Variants in DPP10 observed in about 807,000 individuals in gnomAD.
DPP10 encodes the protein inactive dipeptidyl peptidase 10.
DPP10 carries 33 observed loss-of-function variants against 120.9 expected under a neutral mutation model. The ratio of observed to expected loss-of-function variants is 0.27; its 90% CI spans 0.21 to 0.37. DPP10 has a LOEUF of 0.37. DPP10 is among the 10% of genes least tolerant of loss of function. The probability of loss-of-function intolerance (pLI) is 1.00; values close to 1 mark genes in which losing one functional copy is unlikely to be tolerated. For synonymous variants in DPP10, 337 were observed against 326.1 expected (o/e 1.03, Z -0.36); for missense variants, 816 against 942.8 (o/e 0.87, Z 1.76).
At chr2:115,747,395 C>T (rs954439110) in intron 10 of DPP10, among the ~76,000 whole-genome samples, 3 of 152,062 alleles carry the variant, frequency 2.0e-5, no homozygotes, top group South Asian at 2.1e-4. Flanking sequence ...TGAATGGTTA[C>T]GTTACAAATG....
intron 19 of DPP10, among the ~76,000 whole-genome samples, chr2:115,806,210 C>T (rs1685949613): frequency 6.6e-6 from 1 of 152,032 alleles, no homozygotes; most frequent in African/African-American, 2.4e-5. Flanking sequence ...TTCCAATTTC[C>T]TTTTGCCTTG....
intron 1 of DPP10, among the ~76,000 whole-genome samples, chr2:114,946,329 CT>C (rs1006552033): frequency 9.9e-5 from 15 of 152,138 alleles, no homozygotes; most frequent in African/African-American, 3.6e-4. Flanking sequence ...TAACACTATT[CT>C]TTAAAAAGTT....
At chr2:114,867,323 T>C (rs2106551374) in intron 1 of DPP10, among the ~76,000 whole-genome samples, 1 of 152,316 alleles carries the variant, frequency 6.6e-6, no homozygotes, top group African/African-American at 2.4e-5. Context: ...TTACCCTTTC[T>C]GGAACCCTTT....
At chr2:115,631,537 G>A (rs2085871474) in intron 5 of DPP10, among the ~76,000 whole-genome samples, 1 of 152,102 alleles carries the variant, frequency 6.6e-6, no homozygotes, top group Admixed American at 6.6e-5. Flanking sequence ...GCTTTTTGAT[G>A]TGGACATTTT....
intron 1 of DPP10, among the ~76,000 whole-genome samples, chr2:114,832,660 C>T (rs1687245365): frequency 6.6e-6 from 1 of 152,002 alleles, no homozygotes; most frequent in Non-Finnish European, 1.5e-5. Flanking sequence ...AGTAAATGGG[C>T]AAATATTATT....
At chr2:114,990,726 A>C (rs574024391) in intron 1 of DPP10, among the ~76,000 whole-genome samples, 1 of 152,160 alleles carries the variant, frequency 6.6e-6, no homozygotes, top group African/African-American at 2.4e-5. Flanking sequence ...TGGTGATAGC[A>C]CAGACACCCT....
At chr2:114,755,860 T>A (rs1296790883) in intron 1 of DPP10, among the ~76,000 whole-genome samples, 1 of 152,120 alleles carries the variant, frequency 6.6e-6, no homozygotes, top group Non-Finnish European at 1.5e-5. Context: ...TATCTTTATT[T>A]TTCCTTTTAA....
At chr2:115,733,805 G>T (rs1474751223) in intron 8 of DPP10, among the ~76,000 whole-genome samples, 1 of 152,166 alleles carries the variant, frequency 6.6e-6, no homozygotes, top group East Asian at 1.9e-4. Flanking sequence ...AACCACATGT[G>T]CTGAAAACTC....
At chr2:114,739,077 C>T (rs1026613618) in intron 1 of DPP10, among the ~76,000 whole-genome samples, 1 of 152,150 alleles carries the variant, frequency 6.6e-6, no homozygotes, top group Non-Finnish European at 1.5e-5. Context: ...AGTTTGCTAT[C>T]AGGATTGAAA....
In DPP10 at chr2:115,201,527, C is replaced by T. The variant is rs79946625; in HGVS notation, c.61-107712C>T. On this transcript the variant is annotated intron_variant, in intron 1 of 25. Coordinates refer to ENST00000410059, the MANE Select transcript of DPP10 (RefSeq NM_020868.6). ...TTTGGTGATTCCTTTAGAGACAGGT[C>T]GGATTTTTCACATCACTTCGCAGTC... Among the ~76,000 whole-genome samples, 139 of 152,146 alleles carry T rather than the reference C, an allele frequency of 9.1e-4. 4 individuals are homozygous for T. The East Asian group carries it at 0.025, about 27-fold the overall frequency.
At chr2:115,408,533 C>T (rs957123179) in intron 3 of DPP10, among the ~76,000 whole-genome samples, 3 of 152,104 alleles carry the variant, frequency 2.0e-5, no homozygotes, top group African/African-American at 7.2e-5. Flanking sequence ...TACTTTCAGG[C>T]ATACGTGTAA....
chr2:115,474,884 G>A (rs770906651), intron 3 of DPP10, among the ~76,000 whole-genome samples: 3 of 152,156 alleles, frequency 2.0e-5, no homozygotes, highest in African/African-American at 4.8e-5. Flanking sequence ...CCCATAATAG[G>A]CTCAGAGGCC....
rs1295621400 is a variant in DPP10, at chr2:115,172,235, T to TC, written c.61-136999dup. 3.3e-5 allele frequency among the ~76,000 whole-genome samples: 5 copies of TC among 151,998 alleles called. No individual in the cohort carries two copies. The East Asian group carries it at 5.8e-4, about 18-fold the overall frequency. ...TGGGATTCTTGGTAAGAAAGGCTTCTCCCCCGGGCGTGGTGGTGGGTGCCT... is the reference window on the plus strand; with the variant it reads ...TGGGATTCTTGGTAAGAAAGGCTTCTCCCCCCGGGCGTGGTGGTGGGTGCCT... On this transcript the variant is annotated intron_variant, in intron 1 of 25. Transcript: ENST00000410059.
chr2:115,519,816 T>C (rs1306128301), intron 4 of DPP10, among the ~76,000 whole-genome samples: 1 of 152,196 alleles, frequency 6.6e-6, no homozygotes, highest in Non-Finnish European at 1.5e-5. Flanking sequence ...ACTGGCTTTC[T>C]AAAATCCTTC....
At chr2:115,438,834 A>T (rs78546591) in intron 3 of DPP10, among the ~76,000 whole-genome samples, 6 of 132,160 alleles carry the variant, frequency 4.5e-5, no homozygotes, top group African/African-American at 1.4e-4. Flanking sequence ...ATAGTGGCTA[A>T]GATGGTCATG....
chr2:115,183,493 A>C (rs932175711), intron 1 of DPP10, among the ~76,000 whole-genome samples: 1 of 152,158 alleles, frequency 6.6e-6, no homozygotes, highest in Non-Finnish European at 1.5e-5. Context: ...GAGGGCAGGG[A>C]CTGGACTTTC....
chr2:114,470,069 T>A (rs933870020), intron 1 of DPP10, among the ~76,000 whole-genome samples: 8 of 152,202 alleles, frequency 5.3e-5, no homozygotes, highest in African/African-American at 1.9e-4. Context: ...TAAGATAGGC[T>A]TCCACCACGG....
chr2:115,507,641 C>A (rs2077016949), intron 4 of DPP10, among the ~76,000 whole-genome samples: 1 of 152,058 alleles, frequency 6.6e-6, no homozygotes, highest in African/African-American at 2.4e-5. Flanking sequence ...AAGATGAACT[C>A]AATGAGATAA....
intron 7 of DPP10, among the ~76,000 whole-genome samples, chr2:115,714,165 T>G (rs929925737): frequency 3.9e-5 from 6 of 152,098 alleles, no homozygotes; most frequent in African/African-American, 1.4e-4. Flanking sequence ...ACTGAGCACA[T>G]GTTGTTTGTT....
Sources: allele counts gnomAD v4.1 joint callset (sites outside exome capture counted in the v4.1 genomes callset), GRCh38; gene constraint gnomAD v4.1.1; transcripts MANE v1.5; gene names NCBI Gene and HGNC (gene_info 2026-07-23, HGNC 2026-07-21).